The following CDC42BPA variants were observed in gnomAD, a reference collection of about 807,000 sequenced individuals.
CDC42BPA encodes serine/threonine-protein kinase MRCK alpha.
In CDC42BPA, 80 loss-of-function variants were observed where a neutral mutation model predicts 223.5. The observed-to-expected ratio is 0.36, with a 90% CI of 0.30 to 0.43. The LOEUF is 0.43. CDC42BPA is among the 20% of genes least tolerant of loss of function. The probability of loss-of-function intolerance (pLI) is 1.00; values close to 1 mark genes in which losing one functional copy is unlikely to be tolerated. For missense variants in CDC42BPA, 1,743 were observed against 2,099.9 expected, an observed-to-expected ratio of 0.83 and a Z score of 3.32; for synonymous variants, 694 against 718.6, an observed-to-expected ratio of 0.97 and a Z score of 0.55.
At chr1:227,195,867 A>G (rs555369775) in intron 4 of CDC42BPA, among the ~76,000 whole-genome samples, 1 of 152,348 alleles carries the variant, frequency 6.6e-6, no homozygotes, top group African/African-American at 2.4e-5. Context: ...GGTCAAGGAT[A>G]TAATCCTAAA....
At chr1:227,243,824 C>G (rs1307776451) in intron 2 of CDC42BPA, among the ~76,000 whole-genome samples, 1 of 151,148 alleles carries the variant, frequency 6.6e-6, no homozygotes, top group Admixed American at 6.6e-5. Flanking sequence ...AGATTTGAAT[C>G]TAGAATATGA....
intron 4 of CDC42BPA, among the ~76,000 whole-genome samples, chr1:227,196,121 AT>A (rs1304648291): frequency 6.6e-6 from 1 of 151,946 alleles, no homozygotes; most frequent in Non-Finnish European, 1.5e-5. Context: ...CTCCAGTCCA[AT>A]GAAACAATGC....
intron 21 of CDC42BPA, among the ~76,000 whole-genome samples, chr1:227,056,143 T>A (rs1429665998): frequency 1.3e-5 from 2 of 152,096 alleles, no homozygotes; most frequent in Admixed American, 1.3e-4. Flanking sequence ...CTATAAATAA[T>A]AAAAATAACT....
chr1:227,065,117 T>C (rs1676756522), intron 21 of CDC42BPA, among the ~76,000 whole-genome samples: 1 of 151,668 alleles, frequency 6.6e-6, no homozygotes, highest in Non-Finnish European at 1.5e-5. Flanking sequence ...AATAAATAAA[T>C]AAATAAATTA....
At chr1:227,246,235 A>C (rs1680921336) in intron 2 of CDC42BPA, among the ~76,000 whole-genome samples, 1 of 152,216 alleles carries the variant, frequency 6.6e-6, no homozygotes, top group Admixed American at 6.5e-5. Flanking sequence ...TGGAAAGGGG[A>C]GAGAAGAGCG....
rs979079395 is a variant in CDC42BPA, at chr1:226,994,286, G to A, written c.5247C>T (p.Arg1749=). 11 of 1,586,584 alleles carry A rather than the reference G, an allele frequency of 6.9e-6. No individual in the cohort carries two copies. The highest frequency in any genetic ancestry group is 4.6e-5 in the East Asian group (2 of 43,828). The change falls in exon 37 of 37, where the codon CGC becomes CGT. Residue 1749 remains arginine, a synonymous_variant. Transcript: ENST00000366766. This position sits in a 1 kb window ranked among gnomAD's most constrained non-coding sequence, Gnocchi z 4.0. ...TKSLSLESTD[R]GSWDP ...AGGCAGCTCACGGGTCCCAGCTCCC[G>A]CGGTCAGTGCTCTCCAGGGAGAGGC...
chr1:227,024,909 A>G (rs1450045933), intron 31 of CDC42BPA, among the ~76,000 whole-genome samples: 2 of 152,238 alleles, frequency 1.3e-5, no homozygotes, highest in African/African-American at 4.8e-5. Context: ...CAAAGGCCAT[A>G]TATCTATTCT....
At chr1:227,042,129 G>C (rs932579865) in intron 23 of CDC42BPA, among the ~76,000 whole-genome samples, 5 of 152,066 alleles carry the variant, frequency 3.3e-5, no homozygotes, top group African/African-American at 1.2e-4. Flanking sequence ...TAGAGGCTTT[G>C]AATACAAAGA....
intron 8 of CDC42BPA, among the ~76,000 whole-genome samples, chr1:227,143,968 T>A (rs777124062): frequency 6.6e-6 from 1 of 152,156 alleles, no homozygotes; most frequent in Non-Finnish European, 1.5e-5. Context: ...TTATAAAAAA[T>A]TGGTAAGAGA....
intron 1 of CDC42BPA, among the ~76,000 whole-genome samples, chr1:227,311,108 C>A (rs191699826): frequency 2.0e-5 from 3 of 152,260 alleles, no homozygotes; most frequent in Admixed American, 6.5e-5. Context: ...AATTCCAACA[C>A]TTTGGAAGCC....
chr1:227,123,259 A>G (rs1688982110), intron 11 of CDC42BPA, among the ~76,000 whole-genome samples: 1 of 152,208 alleles, frequency 6.6e-6, no homozygotes, highest in African/African-American at 2.4e-5. Context: ...CCAAGATTGC[A>G]TCGCTGCACT....
chr1:227,004,815 TTTC>T, intron 35 of CDC42BPA, 176 bp downstream of exon 35: 1 of 723,958 alleles, frequency 1.4e-6, no homozygotes, highest in Admixed American at 1.8e-5. Flanking sequence ...CTGGGACTAT[TTTC>T]TTAACAACTG....
At chr1:227,171,734 C>T (rs185141697) in intron 5 of CDC42BPA, among the ~76,000 whole-genome samples, 29 of 152,138 alleles carry the variant, frequency 1.9e-4, no homozygotes, top group African/African-American at 6.7e-4. Flanking sequence ...AAATATTACC[C>T]CCATAAGACC....
intron 11 of CDC42BPA, among the ~76,000 whole-genome samples, chr1:227,124,494 G>A (rs1442434422): frequency 5.3e-5 from 8 of 151,790 alleles, no homozygotes; most frequent in Admixed American, 5.3e-4. Context: ...TTTTTCTTCA[G>A]AGCCAAATTA....
intron 2 of CDC42BPA, among the ~76,000 whole-genome samples, chr1:227,226,354 G>A (rs1031018381): frequency 5.9e-5 from 9 of 152,176 alleles, no homozygotes; most frequent in African/African-American, 1.9e-4. Context: ...AGAAAATCCG[G>A]TAATTTTGAA....
Position 227,268,269 on chromosome 1 carries a change from C to T in CDC42BPA, c.179-14114G>A, listed in dbSNP as rs1238256341. Reference sequence around the variant, plus strand: ...TTCGTTTGCTTTCACGACATAAGGGCTGAGTTGAATAGCTGGCACACAGAC... The same window carrying T: ...TTCGTTTGCTTTCACGACATAAGGGTTGAGTTGAATAGCTGGCACACAGAC... On this transcript the variant is annotated intron_variant, in intron 1 of 36. Transcript: ENST00000366766. 3.9e-5 allele frequency among the ~76,000 whole-genome samples: 6 copies of T among 152,146 alleles called. No homozygotes were observed. In the East Asian group the frequency reaches 1.2e-3, roughly 29 times the overall value.
At chr1:227,151,667 G>C (rs188877545) in intron 6 of CDC42BPA, among the ~76,000 whole-genome samples, 24 of 152,268 alleles carry the variant, frequency 1.6e-4, no homozygotes, top group Middle Eastern at 6.8e-3. Flanking sequence ...ATCCTGCTGA[G>C]TGTGAGATGG....
At chr1:227,264,822 G>A in intron 1 of CDC42BPA, 1 of 1,476,912 alleles carries the variant, frequency 6.8e-7, no homozygotes, top group Non-Finnish European at 9.4e-7. Context: ...TGCTTTTTTG[G>A]AATTGTGTAT....
Position 227,047,752 on chromosome 1 carries a change from T to C in CDC42BPA, c.3093+175A>G, listed in dbSNP as rs1487863746. On this transcript the variant is annotated intron_variant, in intron 23 of 36. Coordinates refer to ENST00000366766, the MANE Select transcript of CDC42BPA (RefSeq NM_001394014.1). ...AATTTAAGAAGATGAAAAAGTGCTG[T>C]ACGCTCTCCCTACCTTTCCTATTGG... is the stretch of plus-strand genomic sequence containing the variant. Among the ~76,000 whole-genome samples the C allele has an allele frequency of 3.9e-5, 6 of 152,188 alleles. No homozygotes were observed. The East Asian group carries it at 1.2e-3, about 29-fold the overall frequency.
Sources: allele counts gnomAD v4.1 joint callset (sites outside exome capture counted in the v4.1 genomes callset), GRCh38; gene constraint gnomAD v4.1.1; non-coding constraint Gnocchi (gnomAD v3.1); transcripts MANE v1.5; gene names NCBI Gene and HGNC (gene_info 2026-07-23, HGNC 2026-07-21).